The following MYOM3 variants were observed in gnomAD, a reference collection of about 807,000 sequenced individuals.
The protein encoded by MYOM3 is myomesin-3.
Under a neutral mutation model 191.7 loss-of-function variants are expected in MYOM3, and 155 were observed. The observed-to-expected ratio is 0.81, with a 90% confidence interval of 0.71 to 0.92. MYOM3 has a LOEUF of 0.92. Among genes scored for constraint, MYOM3 ranks in the 40% least tolerant of loss-of-function variants. MYOM3 has a pLI of 0.00. For missense variants in MYOM3, 1,889 were observed against 1,890.6 expected (o/e 1.00, Z 0.02); for synonymous variants, 757 against 762.9 (o/e 0.99, Z 0.13).
intron 8 of MYOM3, among the ~76,000 whole-genome samples, chr1:24,095,241 A>G (rs1387940141): frequency 6.6e-6 from 1 of 152,158 alleles, no homozygotes; most frequent in Admixed American, 6.5e-5. Context: ...AGGTCAGAGA[A>G]CAGCTCAGCA....
In MYOM3 at chr1:24,068,265, C is replaced by T. The variant is rs376479533; in HGVS notation, c.3253G>A (p.Gly1085Arg). ...KGSYTAQLQDGKAKNQITLTL... is the reference protein window; with the variant it reads ...KGSYTAQLQDRKAKNQITLTL... ...AAGGTAATCTGGTTTTTGGCTTTTC[C>T]ATCTTGGAGTTGAGCGGTGTACGAC... The change falls in exon 26 of 37, where the codon GGA (glycine) becomes AGA (arginine). Residue 1085 changes from glycine (G) to arginine (R), a missense_variant. Gly to Arg is a moderately radical substitution (Grantham distance 125). Coordinates refer to ENST00000374434, the MANE Select transcript of MYOM3 (RefSeq NM_152372.4). 5.0e-6 allele frequency: 8 copies of T among 1,614,034 alleles called. No homozygotes were observed. In the African/African-American group the frequency reaches 5.3e-5, roughly 11 times the overall value.
chr1:24,065,562 A>C (rs1460563714), intron 29 of MYOM3, among the ~76,000 whole-genome samples: 4 of 152,144 alleles, frequency 2.6e-5, no homozygotes, highest in African/African-American at 9.7e-5. Context: ...GAGGTCAGAG[A>C]GCGACGGGGG....
chr1:24,108,083 GA>G lies in MYOM3; in HGVS notation c.162-11del, dbSNP rs754243987. On this transcript the variant is annotated splice_polypyrimidine_tract_variant and intron_variant, in intron 2 of 36. Transcript: ENST00000374434. ...CTCATGCTCTTCTTCGCTGCTCCCA[GA>G]AGGAGGGGAGTAAATGGCTCTTGCA... The G allele has an allele frequency of 2.0e-5, 32 of 1,612,822 alleles. No homozygotes were observed. The highest frequency in any genetic ancestry group is 2.7e-5 in the Non-Finnish European group (32 of 1,179,422).
At position 24,082,154 on chromosome 1, in the gene MYOM3, C is replaced by T. The variant is rs1557608832; in HGVS notation, c.2127G>A (p.Leu709=). The T allele has an allele frequency of 6.2e-6, 10 of 1,613,106 alleles. No individual in the cohort carries two copies. The East Asian group carries it at 2.2e-4, about 36-fold the overall frequency. ...TPSAPYGFAL[L]NCGKNEMVIG... ...TGACCATTTCATTCTTCCCGCAGTT[C>T]AGGAGGGCAAAGCCATATGGGGCAG... Residue 709 remains leucine, a synonymous_variant, in exon 18 of 37, where the codon CTG becomes CTA. Coordinates refer to ENST00000374434, the MANE Select transcript of MYOM3 (RefSeq NM_152372.4).
At chr1:24,095,337 C>A (rs574403492) in intron 8 of MYOM3, 105 bp downstream of exon 8, 37 of 1,150,914 alleles carry the variant, frequency 3.2e-5, no homozygotes, top group South Asian at 2.6e-4. Context: ...GGTGGACGTC[C>A]TTTTATGGGC....
intron 5 of MYOM3, 78 bp downstream of exon 5, chr1:24,105,842 C>T: frequency 2.1e-6 from 3 of 1,399,776 alleles, no homozygotes; most frequent in Non-Finnish European, 2.9e-6. Flanking sequence ...AACAAGAAGT[C>T]CTGGCAGAAG....
At chr1:24,093,544 G>A (rs906110184) in intron 9 of MYOM3, among the ~76,000 whole-genome samples, 7 of 151,908 alleles carry the variant, frequency 4.6e-5, no homozygotes, top group Admixed American at 2.6e-4. Flanking sequence ...GAGGCGGGTG[G>A]AGGACGTGTC....
intron 16 of MYOM3, 93 bp downstream of exon 16, chr1:24,084,374 AT>A: frequency 7.0e-7 from 1 of 1,433,458 alleles, no homozygotes; most frequent in African/African-American, 1.4e-5. Context: ...CTGTGAGCTG[AT>A]TAAACCTCTT....
chr1:24,107,906 C>T (rs555521766), intron 3 of MYOM3, 87 bp downstream of exon 3: 27 of 1,174,820 alleles, frequency 2.3e-5, no homozygotes, highest in East Asian at 9.5e-5. Flanking sequence ...TCTTTACACT[C>T]GGGGTGAAAG....
intron 16 of MYOM3, chr1:24,084,050 G>A (rs1475053596): frequency 5.4e-6 from 1 of 186,270 alleles, no homozygotes; most frequent in African/African-American, 2.4e-5. Context: ...CCTGGTGCAG[G>A]AAGAGGGGTG....
At chr1:24,058,886 A>AG (rs1379481287) in intron 36 of MYOM3, 38 bp downstream of exon 36, 30 of 1,507,258 alleles carry the variant, frequency 2.0e-5, no homozygotes, top group Non-Finnish European at 2.8e-5. Flanking sequence ...AGGAACACAG[A>AG]GGGGGACTGC....
chr1:24,092,466 C>A (rs1643850880), intron 10 of MYOM3, 151 bp from the exon 11 acceptor site: 1 of 582,290 alleles, frequency 1.7e-6, no homozygotes, highest in East Asian at 3.5e-5. Flanking sequence ...AGTCCCACTA[C>A]CCCCATAGCA....
intron 14 of MYOM3, among the ~76,000 whole-genome samples, chr1:24,088,637 G>A (rs190683846): frequency 4.0e-4 from 61 of 152,280 alleles, no homozygotes; most frequent in African/African-American, 1.4e-3. Context: ...AGAGAGGCCT[G>A]TTTGGATAAT....
At position 24,087,465 on chromosome 1, in the gene MYOM3, C is replaced by T. The variant is rs1397278229; in HGVS notation, c.1615-638G>A. ...AAAGCTTCCCCATCGCCTGACCCCT[C>T]GGCCTGTCTGGCCACCGTTCCCTCT... On this transcript the variant is annotated intron_variant, in intron 14 of 36. Coordinates refer to ENST00000374434, the MANE Select transcript of MYOM3 (RefSeq NM_152372.4). The surrounding 1 kb of genome is among the most constrained non-coding windows in gnomAD (Gnocchi z 4.5). Among the ~76,000 whole-genome samples the T allele has an allele frequency of 1.3e-5, 2 of 152,194 alleles. No homozygotes were observed. The highest frequency in any genetic ancestry group is 2.9e-5 in the Non-Finnish European group (2 of 68,036).
intron 20 of MYOM3, 127 bp from the exon 21 acceptor site, chr1:24,076,400 A>C: frequency 1.5e-6 from 1 of 655,950 alleles, no homozygotes; most frequent in Non-Finnish European, 2.7e-6. Flanking sequence ...TCATCTTTCC[A>C]TGTGACAAAG....
rs547592318 is a variant in MYOM3, at chr1:24,097,977, G to A, written c.691C>T (p.Arg231Ter). ...GCCTGGCCGTGGGCGTTCTTCACTC[G>A]CACAGTGTAAGTTGCTGAGTCCTCA... ...AIEDSATYTV[R>*]VKNAHGQASS... Residue 231 changes from arginine (R) to a stop codon, truncating the protein, a stop_gained, in exon 7 of 37, where the codon CGA becomes TGA. Transcript: ENST00000374434. LOFTEE classifies it high-confidence loss of function. 10 of 1,613,564 alleles carry A rather than the reference G, an allele frequency of 6.2e-6. No individual in the cohort carries two copies. The highest frequency in any genetic ancestry group is 4.5e-5 in the East Asian group (2 of 44,890).
chr1:24,078,123 A>ATTT (rs34824932), intron 20 of MYOM3, among the ~76,000 whole-genome samples: 20 of 145,958 alleles, frequency 1.4e-4, no homozygotes, highest in South Asian at 6.6e-4. Flanking sequence ...ATTTTTAGAG[A>ATTT]TTTTTTTTTT....
rs191390261 is a variant in MYOM3, at chr1:24,067,287, T to C, written c.3356-199A>G. Among the ~76,000 whole-genome samples, 453 of 132,000 alleles carry C rather than the reference T, an allele frequency of 3.4e-3. 5 individuals carry two copies. In the South Asian group the frequency reaches 0.037, roughly 11 times the overall value. 86.6% of individuals were successfully genotyped at this position (132,000 alleles called of 152,430 possible). On this transcript the variant is annotated intron_variant, in intron 27 of 36. Coordinates refer to ENST00000374434, the MANE Select transcript of MYOM3 (RefSeq NM_152372.4). ...TTCTTTCTTTCTTTCTTCCTTCCTT[T>C]CTTTCTTTCTTTCTTTCCTTCTTTC...
rs765935959 is a variant in MYOM3 at position 24,072,026 on chromosome 1, G to C, written c.2969-13C>G. 1.2e-6 allele frequency: 2 copies of C among 1,613,914 alleles called. No homozygotes were observed. The highest frequency in any genetic ancestry group is 2.2e-5 in the South Asian group (2 of 91,084). ...AGCTTCTCCAGCTCTGGGATAGGGGGAAGTGAGGAAGAAACCAGAGAGAAT... is the reference window on the plus strand; with the variant it reads ...AGCTTCTCCAGCTCTGGGATAGGGGCAAGTGAGGAAGAAACCAGAGAGAAT... On this transcript the variant is annotated splice_polypyrimidine_tract_variant and intron_variant, in intron 23 of 36. Coordinates refer to ENST00000374434, the MANE Select transcript of MYOM3 (RefSeq NM_152372.4).
Sources: gnomAD v4.1 joint callset for allele counts (sites outside exome capture counted in the v4.1 genomes callset) on GRCh38, gnomAD v4.1.1 for gene constraint, Gnocchi (gnomAD v3.1) non-coding constraint, MANE v1.5 for transcripts, NCBI Gene and HGNC (gene_info 2026-07-23, HGNC 2026-07-21) for gene names.